Variants in NELFCD observed in about 807,000 individuals in gnomAD.
The protein encoded by NELFCD is negative elongation factor complex member C/D.
A neutral mutation model predicts 72.9 loss-of-function variants in NELFCD; 48 were observed. The ratio of observed to expected loss-of-function variants is 0.66; its 90% confidence interval spans 0.52 to 0.84. The LOEUF is 0.84. Ranked by LOEUF, NELFCD falls within the 40% of genes least tolerant of loss-of-function variation. The pLI is 0.00. For synonymous variants in NELFCD, 297 were observed against 280.6 expected, an observed-to-expected ratio of 1.06 and a Z score of -0.59; for missense variants, 538 against 723.8, an observed-to-expected ratio of 0.74 and a Z score of 2.94.
At chr20:58,982,753 G>A (rs2091744930) in intron 1 of NELFCD, among the ~76,000 whole-genome samples, 1 of 152,134 alleles carries the variant, frequency 6.6e-6, no homozygotes. Flanking sequence ...AGGAGTTTGG[G>A]GCAGGGAGTG....
chr20:58,994,614 AAC>A (rs769168198), intron 14 of NELFCD, 26 bp from the exon 15 acceptor site: 6 of 1,576,002 alleles, frequency 3.8e-6, no homozygotes, highest in Non-Finnish European at 5.2e-6. Flanking sequence ...TCCTGTTTCT[AAC>A]ACAGTCACTG....
intron 4 of NELFCD, 142 bp downstream of exon 4, chr20:58,987,959 G>T: frequency 1.5e-6 from 1 of 659,112 alleles, no homozygotes. Context: ...GTTGCATCTA[G>T]TCAGAATTGC....
intron 1 of NELFCD, among the ~76,000 whole-genome samples, chr20:58,982,831 A>C (rs2091745501): frequency 6.6e-6 from 1 of 152,184 alleles, no homozygotes; most frequent in Admixed American, 6.5e-5. Flanking sequence ...GGATAGAGTC[A>C]GACTTAGCTA....
chr20:58,981,426 G>GA, intron 1 of NELFCD, 57 bp downstream of exon 1: 1 of 864,408 alleles, frequency 1.2e-6, no homozygotes, highest in African/African-American at 1.8e-5. Context: ...GCCGCCGGCG[G>GA]GCCGGCCCCA....
In NELFCD at chr20:58,987,778, C is replaced by T; in HGVS notation, c.357C>T (p.Asp119=). 1.2e-6 allele frequency: 2 copies of T among 1,614,170 alleles called. No individual in the cohort carries two copies. The highest frequency in any genetic ancestry group is 1.7e-5 in the Admixed American group (1 of 60,032). ...AGAGTTTGCTGATCAAACATTTTGA[C>T]CCCCGCAAAGCAGATTCTATTTTTA... ...HLKSLLIKHF[D]PRKADSIFTE... is the part of the protein sequence containing the mutation. Residue 119 remains aspartate (D), a synonymous_variant, in exon 4 of 15, where the codon GAC becomes GAT. Coordinates refer to ENST00000652272, the MANE Select transcript of NELFCD (RefSeq NM_198976.4).
intron 5 of NELFCD, 93 bp from the exon 6 acceptor site, chr20:58,989,391 CACTT>C: frequency 7.0e-7 from 1 of 1,437,666 alleles, no homozygotes; most frequent in Non-Finnish European, 9.6e-7. Context: ...GACCAGCGCA[CACTT>C]ACTCCACCTC....
chr20:58,982,121 C>T (rs1022931101), intron 1 of NELFCD, among the ~76,000 whole-genome samples: 2 of 141,504 alleles, frequency 1.4e-5, no homozygotes, highest in Non-Finnish European at 3.0e-5. Context: ...TTGGTCTGGA[C>T]GGGAGCCTGG....
intron 3 of NELFCD, 71 bp from the exon 4 acceptor site, chr20:58,987,637 C>T: frequency 8.1e-7 from 1 of 1,235,196 alleles, no homozygotes; most frequent in Non-Finnish European, 1.2e-6. Context: ...AGACTTTTGA[C>T]CATTTGCTTT....
rs1446186029 is a variant in NELFCD, at chr20:58,989,926, G to A, written c.726G>A (p.Glu242=). The change falls in exon 7 of 15, where the codon GAG becomes GAA. Residue 242 remains glutamate (E), a synonymous_variant. Transcript: ENST00000652272. ...CCATGATGTCCGTGCTGGCCCAGGAGGAGCAGGGGGGCTCCGCTGTGCGCA... is the reference window on the plus strand; with the variant it reads ...CCATGATGTCCGTGCTGGCCCAGGAAGAGCAGGGGGGCTCCGCTGTGCGCA... The part of the protein sequence containing the change: ...AQAMMSVLAQ[E]EQGGSAVRRI... The A allele has an allele frequency of 1.2e-6, 2 of 1,614,182 alleles. No individual in the cohort carries two copies. The highest frequency in any genetic ancestry group is 1.7e-6 in the Non-Finnish European group (2 of 1,180,054).
In NELFCD at chr20:58,992,993, TG is replaced by T. The variant is rs765221552; in HGVS notation, c.1230-4del. 16 of 1,606,048 alleles carry T rather than the reference TG, an allele frequency of 1.0e-5. No homozygotes were observed. The East Asian group carries it at 2.7e-4, about 27-fold the overall frequency. Reference sequence around the variant, plus strand: ...TTTAAAGGAAGCATTCTGCCTTAACTGTAGGTTTCCAGTGGTAGCAATGGGT... The same window carrying T: ...TTTAAAGGAAGCATTCTGCCTTAACTTAGGTTTCCAGTGGTAGCAATGGGT... On this transcript the variant is annotated splice_region_variant and splice_polypyrimidine_tract_variant and intron_variant, in intron 10 of 14. Transcript: ENST00000652272.
Position 58,989,844 on chromosome 20 carries a change from C to T in NELFCD, c.658-14C>T, listed in dbSNP as rs766633113. On this transcript the variant is annotated splice_polypyrimidine_tract_variant and intron_variant, in intron 6 of 14. Transcript: ENST00000652272. Reference sequence around the variant, plus strand: ...GTAGTAAACCCTGCCCCCTCTCTCCCTGCAATCTTGCAGAAGATGGTGTGC... The same window carrying T: ...GTAGTAAACCCTGCCCCCTCTCTCCTTGCAATCTTGCAGAAGATGGTGTGC... The T allele has an allele frequency of 4.3e-6, 7 of 1,614,160 alleles. No individual in the cohort carries two copies. The highest frequency in any genetic ancestry group is 5.9e-6 in the Non-Finnish European group (7 of 1,180,008).
chr20:58,986,319 A>G lies in NELFCD; in HGVS notation c.176+111A>G. ...AGCAAGAGTAACGCGAACTGAACTAAAGGCTTCAAGGGGGGGTCCCCTCTG... is the reference window on the plus strand; with the variant it reads ...AGCAAGAGTAACGCGAACTGAACTAGAGGCTTCAAGGGGGGGTCCCCTCTG... On this transcript the variant is annotated intron_variant, in intron 2 of 14. Coordinates refer to ENST00000652272, the MANE Select transcript of NELFCD (RefSeq NM_198976.4). The surrounding 1 kb of genome is among the most constrained non-coding windows in gnomAD (Gnocchi z 4.4). The G allele has an allele frequency of 1.4e-6, 1 of 703,812 alleles. No homozygotes were observed. The highest frequency in any genetic ancestry group is 2.4e-6 in the Non-Finnish European group (1 of 411,270). The allele number at this position is 703,812 out of a possible 1,614,324, so 43.6% of individuals were successfully genotyped here. A position where few individuals can be genotyped will look rare whatever the true frequency, so the allele number is the denominator to read the frequency against.
chr20:58,981,287 C>T lies in NELFCD; in HGVS notation c.-23C>T, dbSNP rs571982797. ...CGCGCTCGCTCGCGGGAGGGCATGG[C>T]GGGGGCCGTGCCGGGCGCCATCATG... On this transcript the variant is annotated 5_prime_UTR_variant, in exon 1 of 15. Transcript: ENST00000652272. The T allele has an allele frequency of 4.0e-5, 43 of 1,067,886 alleles. No individual in the cohort carries two copies. The highest frequency in any genetic ancestry group is 2.9e-4 in the Middle Eastern group (1 of 3,396). 66.2% of individuals were successfully genotyped at this position (1,067,886 alleles called of 1,614,324 possible). A position where few individuals can be genotyped will look rare whatever the true frequency, so the allele number is the denominator to read the frequency against.
In NELFCD at chr20:58,991,984, T is replaced by A; in HGVS notation, c.1193T>A (p.Leu398Gln). The change falls in exon 10 of 15, where the codon CTA (leucine) becomes CAA (glutamine). Residue 398 changes from leucine to glutamine, a missense_variant. Around this residue, in one of 3 missense-constraint regions of NELFCD, gnomAD observed 355 missense variants for 534.5 expected, o/e 0.66. Coordinates refer to ENST00000652272, the MANE Select transcript of NELFCD (RefSeq NM_198976.4). The stretch of plus-strand genomic sequence containing the variant: ...AACGAGAACAAAGGGGCCTCTGAAC[T>A]AGTGGCAGAATTGAGCACACTTTAT... ...CCNENKGASELVAELSTLYQC... is the reference protein window; with the variant it reads ...CCNENKGASEQVAELSTLYQC... 6.2e-7 allele frequency: 1 copy of A among 1,614,210 alleles called. No homozygotes were observed. Among genetic ancestry groups the A allele is most frequent in the Non-Finnish European group, 8.5e-7 (1 of 1,180,030 alleles).
intron 5 of NELFCD, 101 bp downstream of exon 5, chr20:58,989,122 A>G: frequency 2.4e-6 from 2 of 836,596 alleles, no homozygotes; most frequent in Non-Finnish European, 2.0e-6. Context: ...TTTTTTCCAT[A>G]AAGGTCTTTA....
At position 58,993,006 on chromosome 20, in the gene NELFCD, TG is replaced by T. The variant is rs752563181; in HGVS notation, c.1240del (p.Val414Ter). On this transcript the variant is annotated frameshift_variant, in exon 11 of 15. Coordinates refer to ENST00000652272, the MANE Select transcript of NELFCD (RefSeq NM_198976.4). LOFTEE classifies it high-confidence loss of function. This position sits in a 1 kb window ranked among gnomAD's most constrained non-coding sequence, Gnocchi z 5.0. ...STLYQCIRFP[V>X]VAMGVLKWVD... ...TTCTGCCTTAACTGTAGGTTTCCAG[TG>T]GTAGCAATGGGTGTGCTGAAGTGGG... is the stretch of plus-strand genomic sequence containing the variant. 1 of 1,613,216 alleles carries T rather than the reference TG, an allele frequency of 6.2e-7. No homozygotes were observed. Among genetic ancestry groups the T allele is most frequent in the Non-Finnish European group, 8.5e-7 (1 of 1,179,148 alleles).
In NELFCD at chr20:58,987,825, A is replaced by T. The variant is rs776977842; in HGVS notation, c.396+8A>T. On this transcript the variant is annotated splice_region_variant and intron_variant, in intron 4 of 14. Transcript: ENST00000652272. ...TTTACTGAAGAAGGAGAGGTGAGAA[A>T]TTATTTTTCTTTGCCTAGTACCAGG... The T allele has an allele frequency of 2.8e-5, 45 of 1,610,546 alleles. No homozygotes were observed. Among genetic ancestry groups the T allele is most frequent in the Non-Finnish European group, 3.7e-5 (43 of 1,176,878 alleles).
At chr20:58,991,839 A>G (rs2091819644) in intron 9 of NELFCD, 42 bp from the exon 10 acceptor site, 1 of 1,604,936 alleles carries the variant, frequency 6.2e-7, no homozygotes, top group South Asian at 1.1e-5. Context: ...CAGCAGGGAT[A>G]TCTGCCCTGT....
intron 6 of NELFCD, 26 bp downstream of exon 6, chr20:58,989,666 G>A (rs757559768): frequency 1.2e-6 from 2 of 1,614,124 alleles, no homozygotes; most frequent in Admixed American, 1.7e-5. Context: ...ATGAACCTCA[G>A]ATTAGAAGGA....
Sources: allele counts gnomAD v4.1 joint callset (sites outside exome capture counted in the v4.1 genomes callset), GRCh38; gene constraint gnomAD v4.1.1; regional missense constraint gnomAD v4.1.1; non-coding constraint Gnocchi (gnomAD v3.1); transcripts MANE v1.5; gene names NCBI Gene and HGNC (gene_info 2026-07-23, HGNC 2026-07-21).